Variants in ELK3 observed in about 807,000 individuals in gnomAD.
ELK3 encodes the protein ETS domain-containing protein Elk-3.
A neutral mutation model predicts 28.9 loss-of-function variants in ELK3; 10 were observed. The observed-to-expected ratio is 0.35, with a 90% CI of 0.21 to 0.59. The LOEUF is 0.59. Among genes scored for constraint, ELK3 ranks in the 20% least tolerant of loss-of-function variants. ELK3 has a pLI of 0.82. For missense variants in ELK3, 463 were observed against 517.3 expected, an observed-to-expected ratio of 0.90 and a Z score of 1.02; for synonymous variants, 272 against 243.5, an observed-to-expected ratio of 1.12 and a Z score of -1.09.
intron 2 of ELK3, among the ~76,000 whole-genome samples, chr12:96,244,734 C>T (rs924889977): frequency 6.6e-6 from 1 of 152,102 alleles, no homozygotes; most frequent in East Asian, 1.9e-4. Context: ...ACACACCAGG[C>T]CAGCACACTT....
At chr12:96,207,880 A>G (rs1254254884) in intron 1 of ELK3, among the ~76,000 whole-genome samples, 1 of 152,244 alleles carries the variant, frequency 6.6e-6, no homozygotes, top group Admixed American at 6.5e-5. Context: ...AATATGCTGT[A>G]AAGTGTTAAC....
chr12:96,251,928 A>G (rs2137036675), intron 3 of ELK3, among the ~76,000 whole-genome samples: 1 of 152,372 alleles, frequency 6.6e-6, no homozygotes, highest in East Asian at 1.9e-4. Context: ...CTCATTGATG[A>G]AGGTGGCTAC....
intron 2 of ELK3, among the ~76,000 whole-genome samples, chr12:96,235,705 C>G (rs958801884): frequency 6.6e-6 from 1 of 152,202 alleles, no homozygotes; most frequent in Admixed American, 6.5e-5. Context: ...CCGGCCATGC[C>G]ATCTGCCAGC....
chr12:96,223,328 T>C (rs1358760665), intron 1 of ELK3, among the ~76,000 whole-genome samples: 1 of 152,148 alleles, frequency 6.6e-6, no homozygotes, highest in African/African-American at 2.4e-5. Context: ...ATGTGGTGAA[T>C]AGAGGAGGAT....
chr12:96,261,713 G>GCA (rs970154483), intron 4 of ELK3, among the ~76,000 whole-genome samples: 1 of 152,148 alleles, frequency 6.6e-6, no homozygotes, highest in Non-Finnish European at 1.5e-5. Context: ...TCCTAGGAAA[G>GCA]CAATGGAGCA....
At chr12:96,227,685 C>T (rs1370000233) in intron 2 of ELK3, among the ~76,000 whole-genome samples, 9 of 152,192 alleles carry the variant, frequency 5.9e-5, no homozygotes, top group Admixed American at 5.9e-4. Context: ...ATCATTGCTC[C>T]TCCTCAGAGT....
intron 1 of ELK3, among the ~76,000 whole-genome samples, chr12:96,203,812 A>C (rs146776185): frequency 6.6e-6 from 1 of 152,286 alleles, no homozygotes; most frequent in South Asian, 2.1e-4. Flanking sequence ...GTGGTGGCGC[A>C]TGCCTGTAAT....
intron 3 of ELK3, among the ~76,000 whole-genome samples, chr12:96,257,181 G>A (rs1015165629): frequency 6.6e-6 from 1 of 152,196 alleles, no homozygotes; most frequent in Non-Finnish European, 1.5e-5. Flanking sequence ...TGTGGAGAGA[G>A]GCTGTGAAGT....
chr12:96,198,662 T>C (rs999215138), intron 1 of ELK3, among the ~76,000 whole-genome samples: 2 of 152,154 alleles, frequency 1.3e-5, no homozygotes, highest in Admixed American at 1.3e-4. Flanking sequence ...TTGTAAAAAA[T>C]ATTAATGTGA....
chr12:96,257,396 G>A lies in ELK3; in HGVS notation c.1003-2335G>A, dbSNP rs550673976. Reference sequence around the variant, plus strand: ...CATATTAAAGATGAGAAACAAGAAGGCTACAGTAGTCTGAGTACATCCTGT... The same window carrying A: ...CATATTAAAGATGAGAAACAAGAAGACTACAGTAGTCTGAGTACATCCTGT... On this transcript the variant is annotated intron_variant, in intron 3 of 4. Coordinates refer to ENST00000228741, the MANE Select transcript of ELK3 (RefSeq NM_005230.4). Among the ~76,000 whole-genome samples the A allele has an allele frequency of 1.3e-3, 196 of 152,216 alleles. 1 individual carries two copies. Among genetic ancestry groups the A allele is most frequent in the Non-Finnish European group, 1.5e-3 (102 of 68,040 alleles).
intron 1 of ELK3, among the ~76,000 whole-genome samples, chr12:96,218,341 G>C (rs560424508): frequency 6.6e-6 from 1 of 152,182 alleles, no homozygotes; most frequent in Non-Finnish European, 1.5e-5. Context: ...AGACTGATGG[G>C]CCTCAGTATG....
At chr12:96,196,273 T>C (rs1306359144) in intron 1 of ELK3, among the ~76,000 whole-genome samples, 1 of 152,168 alleles carries the variant, frequency 6.6e-6, no homozygotes, top group Non-Finnish European at 1.5e-5. Context: ...TTTCAGGACA[T>C]GTCTTGAAAA....
At chr12:96,257,140 G>T (rs1436325940) in intron 3 of ELK3, among the ~76,000 whole-genome samples, 1 of 152,170 alleles carries the variant, frequency 6.6e-6, no homozygotes, top group Non-Finnish European at 1.5e-5. Flanking sequence ...TGGCCCTCAG[G>T]CTCAGCCCAC....
At chr12:96,243,085 A>G (rs1462702010) in intron 2 of ELK3, among the ~76,000 whole-genome samples, 1 of 152,170 alleles carries the variant, frequency 6.6e-6, no homozygotes, top group Non-Finnish European at 1.5e-5. Flanking sequence ...CTAGCTATAG[A>G]AAGTTCCCAC....
intron 1 of ELK3, among the ~76,000 whole-genome samples, chr12:96,219,829 C>T (rs777704272): frequency 2.0e-5 from 3 of 152,138 alleles, no homozygotes; most frequent in Non-Finnish European, 4.4e-5. Context: ...CGATTTCCAC[C>T]GGGAAGGCTA....
At chr12:96,229,488 A>G (rs1193415784) in intron 2 of ELK3, among the ~76,000 whole-genome samples, 3 of 143,126 alleles carry the variant, frequency 2.1e-5, no homozygotes, top group Admixed American at 7.0e-5. Context: ...CCATCATCAC[A>G]TGACGTTCTC....
At chr12:96,244,448 T>G (rs1195039372) in intron 2 of ELK3, among the ~76,000 whole-genome samples, 1 of 82,948 alleles carries the variant, frequency 1.2e-5, no homozygotes, top group Admixed American at 1.2e-4. Context: ...AAAATTAGAA[T>G]TTTTTTTTTT....
intron 2 of ELK3, among the ~76,000 whole-genome samples, chr12:96,242,698 C>G (rs566005566): frequency 1.3e-5 from 2 of 152,164 alleles, no homozygotes; most frequent in East Asian, 3.9e-4. Context: ...CTTACCAGCT[C>G]CCCTCGTCTA....
intron 4 of ELK3, among the ~76,000 whole-genome samples, chr12:96,264,790 AAAGAT>A (rs537998998): frequency 1.2e-4 from 18 of 152,334 alleles, no homozygotes; most frequent in Middle Eastern, 3.4e-3. Flanking sequence ...CTGAAAAAAT[AAAGAT>A]AAAACATAAC....
Sources: gnomAD v4.1 joint callset for allele counts (sites outside exome capture counted in the v4.1 genomes callset) on GRCh38, gnomAD v4.1.1 for gene constraint, MANE v1.5 for transcripts, NCBI Gene and HGNC (gene_info 2026-07-23, HGNC 2026-07-21) for gene names.